The following SYK variants were observed in gnomAD, a reference collection of about 807,000 sequenced individuals.
SYK encodes the protein tyrosine-protein kinase SYK.
SYK carries 16 observed loss-of-function variants against 77.8 expected under a neutral mutation model. The observed-to-expected ratio is 0.21, with a 90% CI of 0.14 to 0.31. SYK has a LOEUF of 0.31. Among genes scored for constraint, SYK ranks in the 10% least tolerant of loss-of-function variants. The pLI, the probability that SYK is intolerant of heterozygous loss-of-function variation, is 1.00. For synonymous variants in SYK, 312 were observed against 308.7 expected, an observed-to-expected ratio of 1.01 and a Z score of -0.11; for missense variants, 529 against 814.4, an observed-to-expected ratio of 0.65 and a Z score of 4.26.
chr9:90,854,994 T>TCACACACACA (rs1287876789), intron 3 of SYK, among the ~76,000 whole-genome samples: 6 of 96,122 alleles, frequency 6.2e-5, no homozygotes, highest in Admixed American at 4.7e-4. Context: ...TCTCTCTCTC[T>TCACACACACA]CACACACACA....
chr9:90,891,035 G>A (rs925701552), intron 13 of SYK, among the ~76,000 whole-genome samples: 1 of 152,110 alleles, frequency 6.6e-6, no homozygotes, highest in Non-Finnish European at 1.5e-5. Flanking sequence ...CCCAAAGATC[G>A]GTTGGACAGC....
intron 1 of SYK, among the ~76,000 whole-genome samples, chr9:90,816,784 C>A (rs570120207): frequency 5.3e-5 from 8 of 152,344 alleles, no homozygotes; most frequent in Admixed American, 3.3e-4. Flanking sequence ...TGAGTGAGAT[C>A]ATGAGGTATT....
At chr9:90,807,302 T>C (rs1026539404) in intron 1 of SYK, among the ~76,000 whole-genome samples, 1 of 152,206 alleles carries the variant, frequency 6.6e-6, no homozygotes, top group African/African-American at 2.4e-5. Flanking sequence ...CAGAATGTTG[T>C]GGTTGTTTTC....
At chr9:90,854,539 A>T (rs554407761) in intron 3 of SYK, among the ~76,000 whole-genome samples, 4 of 152,274 alleles carry the variant, frequency 2.6e-5, no homozygotes, top group Admixed American at 2.6e-4. Flanking sequence ...GTTGCTGTAC[A>T]TGATCTCTTG....
chr9:90,894,290 C>A (rs1283154315), intron 13 of SYK, among the ~76,000 whole-genome samples: 2 of 152,168 alleles, frequency 1.3e-5, no homozygotes, highest in African/African-American at 4.8e-5. Flanking sequence ...CCACCATATC[C>A]CCTCTCGGAA....
chr9:90,883,594 C>T (rs998465947), intron 11 of SYK, among the ~76,000 whole-genome samples: 2 of 152,118 alleles, frequency 1.3e-5, no homozygotes, highest in East Asian at 1.9e-4. Flanking sequence ...TAGAGACCAC[C>T]CCTCCCTGCG....
intron 1 of SYK, among the ~76,000 whole-genome samples, chr9:90,826,026 G>A (rs1335878197): frequency 6.6e-6 from 1 of 152,178 alleles, no homozygotes; most frequent in Non-Finnish European, 1.5e-5. Context: ...TATCCTCCAT[G>A]TTTCCTGGTG....
chr9:90,844,403 T>TG (rs1442690901), intron 2 of SYK, 88 bp downstream of exon 2: 3 of 1,337,288 alleles, frequency 2.2e-6, no homozygotes, highest in African/African-American at 3.0e-5. Context: ...CATGTGCCTA[T>TG]GTGCCCTGTG....
chr9:90,845,480 A>C lies in SYK; in HGVS notation c.464A>C (p.Glu155Ala). ...ATCATCAGTCAGAAGCCTCAGCTGGAGAAGCTGATCGCTACCACAGCCCAT... is the reference window on the plus strand; with the variant it reads ...ATCATCAGTCAGAAGCCTCAGCTGGCGAAGCTGATCGCTACCACAGCCCAT... ...QAIISQKPQL[E>A]KLIATTAHEK... is the part of the protein sequence containing the mutation. Residue 155 changes from glutamate to alanine, a missense_variant, in exon 3 of 14, where the codon GAG (glutamate) becomes GCG (alanine). By Grantham distance (107) the Glu-to-Ala change is moderately radical. Around this residue, in one of 2 missense-constraint regions of SYK, gnomAD observed 321 missense variants for 433.1 expected, o/e 0.74. Coordinates refer to ENST00000375754, the MANE Select transcript of SYK (RefSeq NM_003177.7). The C allele has an allele frequency of 6.2e-7, 1 of 1,614,196 alleles. No homozygotes were observed. The highest frequency in any genetic ancestry group is 1.1e-5 in the South Asian group (1 of 91,084).
chr9:90,843,821 G>T (rs7855964), intron 1 of SYK, 37 bp from the exon 2 acceptor site: 5 of 1,384,414 alleles, frequency 3.6e-6, no homozygotes, highest in Non-Finnish European at 2.8e-6. Context: ...TGCCACGTGG[G>T]GTCCTCACCA....
intron 3 of SYK, among the ~76,000 whole-genome samples, chr9:90,853,032 A>T (rs1826878536): frequency 6.6e-6 from 1 of 151,410 alleles, no homozygotes. Context: ...CCCCACCCCC[A>T]CTTGTGCTGG....
intron 3 of SYK, among the ~76,000 whole-genome samples, chr9:90,846,446 G>A (rs1355514375): frequency 2.0e-5 from 3 of 152,144 alleles, no homozygotes; most frequent in Admixed American, 6.6e-5. Flanking sequence ...ATTTAGAAGC[G>A]TTTTCTCTGC....
intron 4 of SYK, among the ~76,000 whole-genome samples, chr9:90,863,205 G>A (rs536374503): frequency 3.3e-4 from 50 of 152,254 alleles, no homozygotes; most frequent in African/African-American, 1.0e-3. Flanking sequence ...CATCATCTTC[G>A]CAGAGCATCC....
chr9:90,839,461 G>GT (rs1826212288), intron 1 of SYK, among the ~76,000 whole-genome samples: 1 of 152,106 alleles, frequency 6.6e-6, no homozygotes, highest in African/African-American at 2.4e-5. Flanking sequence ...TCCCTGGCGT[G>GT]TGCCTGGAGG....
At chr9:90,871,925 G>A (rs914084849) in intron 7 of SYK, among the ~76,000 whole-genome samples, 10 of 152,144 alleles carry the variant, frequency 6.6e-5, no homozygotes, top group South Asian at 4.1e-4. Flanking sequence ...TCTAATTTCC[G>A]AGGAAGATCT....
chr9:90,862,396 C>T (rs2118786107), intron 4 of SYK, 52 bp downstream of exon 4: 1 of 1,577,362 alleles, frequency 6.3e-7, no homozygotes. Context: ...GCACGTGGGG[C>T]TCCTTGTCCC....
chr9:90,853,564 C>A (rs1441293533), intron 3 of SYK, among the ~76,000 whole-genome samples: 1 of 152,072 alleles, frequency 6.6e-6, no homozygotes, highest in Non-Finnish European at 1.5e-5. Context: ...AGTTCATGTC[C>A]TTTGTAGGGA....
chr9:90,808,657 C>T (rs545809502), intron 1 of SYK, among the ~76,000 whole-genome samples: 70 of 152,148 alleles, frequency 4.6e-4, no homozygotes, highest in African/African-American at 1.4e-3. Flanking sequence ...CCTATTCAAA[C>T]GAAGCCACAC....
In SYK at chr9:90,880,970, C is replaced by T. The variant is rs369133735; in HGVS notation, c.1581+2017C>T. 3.9e-5 allele frequency among the ~76,000 whole-genome samples: 6 copies of T among 152,214 alleles called. No homozygotes were observed. The East Asian group carries it at 9.6e-4, about 24-fold the overall frequency. On this transcript the variant is annotated intron_variant, in intron 11 of 13. Coordinates refer to ENST00000375754, the MANE Select transcript of SYK (RefSeq NM_003177.7). ...CCCATGCTTCCCTTGGGCAGCATGG[C>T]AGCTGCGGGCTGAGAGCAGTTACCC... is the stretch of plus-strand genomic sequence containing the variant.
Sources: gnomAD v4.1 joint callset for allele counts (sites outside exome capture counted in the v4.1 genomes callset) on GRCh38, gnomAD v4.1.1 for gene constraint, gnomAD v4.1.1 regional missense constraint, MANE v1.5 for transcripts, NCBI Gene and HGNC (gene_info 2026-07-23, HGNC 2026-07-21) for gene names.